The following DTNB variants were observed in gnomAD, a reference collection of about 807,000 sequenced individuals.
The protein encoded by DTNB is DTN-B.
In DTNB, 63 loss-of-function variants were observed where a neutral mutation model predicts 90.7. The ratio of observed to expected loss-of-function variants is 0.69; its 90% CI spans 0.57 to 0.86. The LOEUF (loss-of-function observed/expected upper bound fraction) is 0.86. Among genes scored for constraint, DTNB ranks in the 40% least tolerant of loss-of-function variants. The probability of loss-of-function intolerance (pLI) is 0.00; values close to 1 mark genes in which losing one functional copy is unlikely to be tolerated. For missense variants in DTNB, 744 were observed against 807.1 expected (o/e 0.92, Z 0.95); for synonymous variants, 277 against 286.7 (o/e 0.97, Z 0.34).
At chr2:25,545,656 G>C (rs1473145454) in intron 8 of DTNB, among the ~76,000 whole-genome samples, 1 of 152,154 alleles carries the variant, frequency 6.6e-6, no homozygotes, top group African/African-American at 2.4e-5. Context: ...TTTTGAGACA[G>C]AGTCACCCAG....
intron 16 of DTNB, among the ~76,000 whole-genome samples, chr2:25,418,218 G>A (rs2048439767): frequency 6.6e-6 from 1 of 152,138 alleles, no homozygotes; most frequent in Admixed American, 6.6e-5. Context: ...TTGATGCCAT[G>A]TGCCATCTTC....
At chr2:25,639,203 C>G in intron 2 of DTNB, 109 bp from the exon 3 acceptor site, 1 of 1,071,554 alleles carries the variant, frequency 9.3e-7, no homozygotes, top group Non-Finnish European at 1.3e-6. Context: ...TCAGCTAGGA[C>G]TTCTTAAAAA....
At chr2:25,379,498 T>G in intron 19 of DTNB, 175 bp from the exon 20 acceptor site, 1 of 742,402 alleles carries the variant, frequency 1.3e-6, no homozygotes, top group Non-Finnish European at 1.9e-6. Context: ...GAGTCATACT[T>G]TCTACTACTG....
intron 2 of DTNB, among the ~76,000 whole-genome samples, chr2:25,645,516 T>G (rs557930809): frequency 6.6e-6 from 1 of 152,300 alleles, no homozygotes; most frequent in East Asian, 1.9e-4. Flanking sequence ...CTCAGCTCAC[T>G]GTAACGTTGA....
chr2:25,414,756 G>A (rs1203672399), intron 16 of DTNB, among the ~76,000 whole-genome samples: 1 of 152,124 alleles, frequency 6.6e-6, no homozygotes, highest in Admixed American at 6.6e-5. Context: ...TATTTATTGA[G>A]TATCTACTGT....
At chr2:25,643,129 TCA>T (rs1196023605) in intron 2 of DTNB, among the ~76,000 whole-genome samples, 3 of 152,042 alleles carry the variant, frequency 2.0e-5, no homozygotes, top group African/African-American at 7.2e-5. Context: ...AAGGTATGGC[TCA>T]GGCACACTCT....
At chr2:25,566,292 T>TAAACAAATTGTGCG (rs2059021870) in intron 8 of DTNB, among the ~76,000 whole-genome samples, 2 of 152,146 alleles carry the variant, frequency 1.3e-5, no homozygotes, top group South Asian at 4.1e-4. Flanking sequence ...CAGGTGCAAC[T>TAAACAAATTGTGCG]AAACAAATTG....
At chr2:25,474,225 C>T (rs2063331825) in intron 10 of DTNB, among the ~76,000 whole-genome samples, 1 of 151,780 alleles carries the variant, frequency 6.6e-6, no homozygotes, top group Admixed American at 6.6e-5. Flanking sequence ...TGGACACCTG[C>T]CAACACTAAG....
intron 1 of DTNB, among the ~76,000 whole-genome samples, chr2:25,665,225 C>T (rs996780868): frequency 6.6e-6 from 1 of 152,182 alleles, no homozygotes; most frequent in Admixed American, 6.6e-5. Flanking sequence ...CTTAACCCTG[C>T]CAGCTCTCAG....
Position 25,596,183 on chromosome 2 carries a change from T to C in DTNB, c.506A>G (p.Gln169Arg), listed in dbSNP as rs749275596. 1.9e-6 allele frequency: 3 copies of C among 1,613,580 alleles called. No individual in the cohort carries two copies. The highest frequency in any genetic ancestry group is 1.1e-5 in the South Asian group (1 of 91,040). The change falls in exon 6 of 21, where the codon CAG (glutamine) becomes CGG (arginine). Residue 169 changes from glutamine to arginine, a missense_variant. By Grantham distance (43) the Gln-to-Arg change is conservative. Coordinates refer to ENST00000406818, the MANE Select transcript of DTNB (RefSeq NM_021907.5). Reference protein sequence around the residue: ...NGLMIFSKFDQFLKEVLKLPT... With the variant: ...NGLMIFSKFDRFLKEVLKLPT... ...GAGCTTCAGAACTTCCTTCAGAAAC[T>C]GGTCAAACTTGCTAAATATCATTAA...
intron 9 of DTNB, among the ~76,000 whole-genome samples, chr2:25,500,737 A>C (rs1242190945): frequency 1.3e-5 from 2 of 152,210 alleles, no homozygotes; most frequent in African/African-American, 4.8e-5. Flanking sequence ...CCAAAAAAAA[A>C]ATGACTTAAA....
intron 8 of DTNB, among the ~76,000 whole-genome samples, chr2:25,539,712 T>A (rs1288538776): frequency 2.0e-5 from 3 of 152,012 alleles, no homozygotes; most frequent in Non-Finnish European, 4.4e-5. Flanking sequence ...TTGATGAACA[T>A]CTTTAAATAT....
chr2:25,392,708 T>C (rs1173976676), intron 16 of DTNB, among the ~76,000 whole-genome samples: 3 of 151,906 alleles, frequency 2.0e-5, no homozygotes, highest in Non-Finnish European at 4.4e-5. Flanking sequence ...ATACAGAATA[T>C]CTGAATAGAC....
At chr2:25,658,743 T>A (rs1190594685) in intron 1 of DTNB, among the ~76,000 whole-genome samples, 1 of 152,206 alleles carries the variant, frequency 6.6e-6, no homozygotes, top group East Asian at 1.9e-4. Flanking sequence ...AAATGATCAG[T>A]GGTTGCCAGA....
intron 2 of DTNB, chr2:25,650,156 T>C: frequency 1.0e-5 from 10 of 985,476 alleles, no homozygotes; most frequent in Non-Finnish European, 1.2e-5. Context: ...CTCTACCCCA[T>C]CAACGCCTGC....
chr2:25,569,763 G>A (rs1385387175), intron 8 of DTNB, among the ~76,000 whole-genome samples: 1 of 152,288 alleles, frequency 6.6e-6, no homozygotes, highest in East Asian at 1.9e-4. Flanking sequence ...GAAAAGTGAA[G>A]TGCAACTAAT....
intron 1 of DTNB, among the ~76,000 whole-genome samples, chr2:25,672,184 C>T (rs2086084353): frequency 8.1e-6 from 1 of 124,068 alleles, no homozygotes; most frequent in Non-Finnish European, 1.6e-5. Context: ...GACCTCAGAA[C>T]CGGGGTTGCC....
intron 4 of DTNB, among the ~76,000 whole-genome samples, chr2:25,609,022 T>G (rs1040390476): frequency 6.6e-5 from 10 of 152,058 alleles, no homozygotes; most frequent in African/African-American, 2.2e-4. Flanking sequence ...CCAGCATCAG[T>G]GGTGTTTGGA....
In DTNB at chr2:25,627,946, C is replaced by T. The variant is rs371790517; in HGVS notation, c.362+225G>A. Among the ~76,000 whole-genome samples the T allele has an allele frequency of 6.1e-4, 93 of 152,126 alleles. No individual in the cohort carries two copies. The South Asian group carries it at 0.016, about 27-fold the overall frequency. On this transcript the variant is annotated intron_variant, in intron 4 of 20. Coordinates refer to ENST00000406818, the MANE Select transcript of DTNB (RefSeq NM_021907.5). ...AGAGACGGGGTTTCACCGTGTTAGC[C>T]GGGATGGTCTCCATCTCCTGACCTT... is the stretch of plus-strand genomic sequence containing the variant.
Sources: gnomAD v4.1 joint callset for allele counts (sites outside exome capture counted in the v4.1 genomes callset) on GRCh38, gnomAD v4.1.1 for gene constraint, MANE v1.5 for transcripts, NCBI Gene and HGNC (gene_info 2026-07-23, HGNC 2026-07-21) for gene names.